The following TLL1 variants were observed in gnomAD, a reference collection of about 807,000 sequenced individuals.
TLL1 encodes the protein tolloid-like protein 1.
In TLL1, 49 loss-of-function variants were observed where a neutral mutation model predicts 128.2. The observed-to-expected ratio is 0.38, with a 90% CI of 0.30 to 0.48. The LOEUF (loss-of-function observed/expected upper bound fraction) is 0.48, where lower values mean the gene tolerates loss of function less well. TLL1 is among the 20% of genes least tolerant of loss of function. TLL1 has a pLI of 0.96. For synonymous variants in TLL1, 454 were observed against 418.8 expected (o/e 1.08, Z -1.03); for missense variants, 1,123 against 1,242.0 (o/e 0.90, Z 1.44).
At chr4:166,080,541 T>C (rs1349548359) in intron 18 of TLL1, among the ~76,000 whole-genome samples, 2 of 152,152 alleles carry the variant, frequency 1.3e-5, no homozygotes, top group East Asian at 3.9e-4. Context: ...GTTCTGTTGA[T>C]TGTTTTGTCT....
chr4:166,099,221 A>G lies in TLL1; in HGVS notation c.2657-56A>G, dbSNP rs184142158. On this transcript the variant is annotated intron_variant, in intron 19 of 20. Coordinates refer to ENST00000061240, the MANE Select transcript of TLL1 (RefSeq NM_012464.5). ...ACACTGAAACTACACTGAAATTTAA[A>G]TTGGACCCGTTAAAGCTCATTGACC... 3 of 1,611,984 alleles carry G rather than the reference A, an allele frequency of 1.9e-6. No homozygotes were observed. In the African/African-American group the frequency reaches 4.0e-5, roughly 22 times the overall value.
intron 1 of TLL1, 69 bp downstream of exon 1, chr4:165,874,142 G>C (rs1730618851): frequency 1.3e-6 from 2 of 1,581,802 alleles, no homozygotes; most frequent in Non-Finnish European, 1.7e-6. Flanking sequence ...CATGGGTGGC[G>C]GTGGGAGCTC....
At chr4:166,056,137 C>T (rs1375913729) in intron 13 of TLL1, among the ~76,000 whole-genome samples, 1 of 151,938 alleles carries the variant, frequency 6.6e-6, no homozygotes, top group Non-Finnish European at 1.5e-5. Flanking sequence ...ACTTTTACTA[C>T]AGGTATTAAA....
chr4:165,968,230 C>G (rs758414901), intron 1 of TLL1, among the ~76,000 whole-genome samples: 1 of 152,108 alleles, frequency 6.6e-6, no homozygotes, highest in Non-Finnish European at 1.5e-5. Flanking sequence ...CATAGCATTT[C>G]TAAGCAAGAA....
At chr4:165,917,353 T>C (rs1566750) in intron 1 of TLL1, among the ~76,000 whole-genome samples, 71,568 of 151,918 alleles carry the variant, frequency 0.47, 18,005 homozygotes, top group East Asian at 0.94. Flanking sequence ...TGCCTTAGGT[T>C]TGAATTCTGG....
At chr4:165,917,772 A>T (rs1732852303) in intron 1 of TLL1, among the ~76,000 whole-genome samples, 1 of 151,938 alleles carries the variant, frequency 6.6e-6, no homozygotes, top group Non-Finnish European at 1.5e-5. Flanking sequence ...CCTTTAAATG[A>T]CTCTTTTGGC....
chr4:166,073,940 G>C (rs76079123), intron 16 of TLL1, among the ~76,000 whole-genome samples: 2,026 of 152,136 alleles, frequency 0.013, 47 homozygotes, highest in African/African-American at 0.046. Flanking sequence ...CTATGTGTGG[G>C]AGTGATGAAA....
At chr4:165,879,131 G>A (rs528124335) in intron 1 of TLL1, among the ~76,000 whole-genome samples, 22 of 151,664 alleles carry the variant, frequency 1.5e-4, no homozygotes, top group African/African-American at 5.3e-4. Flanking sequence ...TTTTTTTGTA[G>A]AGACAGGGTT....
At chr4:165,888,280 A>G (rs1190684553) in intron 1 of TLL1, among the ~76,000 whole-genome samples, 1 of 152,158 alleles carries the variant, frequency 6.6e-6, no homozygotes, top group Non-Finnish European at 1.5e-5. Context: ...GGCACTTTTT[A>G]TCAAATTAGG....
At chr4:166,070,894 A>T (rs1740784183) in intron 16 of TLL1, among the ~76,000 whole-genome samples, 1 of 151,976 alleles carries the variant, frequency 6.6e-6, no homozygotes, top group Non-Finnish European at 1.5e-5. Context: ...CCACACAGTA[A>T]GACAACTACA....
chr4:165,939,962 C>T (rs533351693), intron 1 of TLL1, among the ~76,000 whole-genome samples: 3 of 152,068 alleles, frequency 2.0e-5, no homozygotes, highest in South Asian at 2.1e-4. Flanking sequence ...TTTCATTACT[C>T]TCTTTTAAAT....
At chr4:165,904,699 T>G (rs974432765) in intron 1 of TLL1, among the ~76,000 whole-genome samples, 1 of 152,254 alleles carries the variant, frequency 6.6e-6, no homozygotes, top group African/African-American at 2.4e-5. Flanking sequence ...ATTTCACAAA[T>G]TATTTCAATA....
At chr4:165,991,663 T>A (rs1736641007) in intron 2 of TLL1, among the ~76,000 whole-genome samples, 1 of 149,246 alleles carries the variant, frequency 6.7e-6, no homozygotes, top group African/African-American at 2.6e-5. Flanking sequence ...ATAGATTTTA[T>A]CATTTTTTTT....
chr4:165,948,537 C>A (rs75351922), intron 1 of TLL1, among the ~76,000 whole-genome samples: 2 of 152,150 alleles, frequency 1.3e-5, no homozygotes, highest in South Asian at 4.2e-4. Flanking sequence ...CCAAGGTTGA[C>A]GAGCTACAAG....
chr4:166,028,968 A>T (rs1738630201), intron 9 of TLL1, among the ~76,000 whole-genome samples: 1 of 151,756 alleles, frequency 6.6e-6, no homozygotes, highest in Admixed American at 6.6e-5. Context: ...TATTGTGACT[A>T]TTGGTGTGTT....
At chr4:166,043,859 T>C (rs1739344650) in intron 12 of TLL1, among the ~76,000 whole-genome samples, 1 of 151,326 alleles carries the variant, frequency 6.6e-6, no homozygotes, top group Admixed American at 6.6e-5. Context: ...ATATCAAAAA[T>C]AGGGATTTTA....
intron 6 of TLL1, among the ~76,000 whole-genome samples, chr4:166,005,566 T>TAA (rs146126785): frequency 1.3e-5 from 2 of 151,320 alleles, no homozygotes; most frequent in African/African-American, 4.8e-5. Flanking sequence ...CAAAATAAGT[T>TAA]AAAAAAAAGT....
chr4:166,011,860 A>G (rs1402293836), intron 7 of TLL1, among the ~76,000 whole-genome samples: 1 of 151,468 alleles, frequency 6.6e-6, no homozygotes, highest in Non-Finnish European at 1.5e-5. Context: ...GAATCTGTCA[A>G]ATACTTCTTC....
intron 16 of TLL1, among the ~76,000 whole-genome samples, chr4:166,069,633 A>ATCCT (rs1196133306): frequency 1.3e-5 from 2 of 151,646 alleles, no homozygotes; most frequent in Non-Finnish European, 3.0e-5. Flanking sequence ...GATTTTAGCT[A>ATCCT]TCCTTGCACA....
Sources: allele counts gnomAD v4.1 joint callset (sites outside exome capture counted in the v4.1 genomes callset), GRCh38; gene constraint gnomAD v4.1.1; transcripts MANE v1.5; gene names NCBI Gene and HGNC (gene_info 2026-07-23, HGNC 2026-07-21).